SARAF: variants seen among roughly 807,000 people sequenced by gnomAD.
SARAF encodes the protein store-operated calcium entry associated regulatory factor.
A neutral mutation model predicts 39.7 loss-of-function variants in SARAF; 23 were observed. The ratio of observed to expected loss-of-function variants is 0.58; its 90% CI spans 0.42 to 0.82. SARAF has a LOEUF of 0.82. Ranked by LOEUF, SARAF falls within the 40% of genes least tolerant of loss-of-function variation. The pLI is 0.00. For synonymous variants in SARAF, 175 were observed against 168.5 expected (o/e 1.04, Z -0.30); for missense variants, 384 against 418.5 (o/e 0.92, Z 0.72).
intron 3 of SARAF, among the ~76,000 whole-genome samples, chr8:30,069,433 C>T (rs1038979291): frequency 1.3e-5 from 2 of 152,130 alleles, no homozygotes; most frequent in African/African-American, 4.8e-5. Context: ...AGCCACCGCG[C>T]CCGGCCAATC....
intron 1 of SARAF, among the ~76,000 whole-genome samples, chr8:30,075,008 T>C (rs1801924985): frequency 1.3e-5 from 2 of 152,136 alleles, no homozygotes; most frequent in East Asian, 1.9e-4. Context: ...TGTGCAAAAA[T>C]GAAATTTTTA....
chr8:30,068,491 T>C (rs574501931), intron 3 of SARAF, among the ~76,000 whole-genome samples: 5 of 152,320 alleles, frequency 3.3e-5, no homozygotes, highest in African/African-American at 4.8e-5. Flanking sequence ...TATATTACAA[T>C]GTAATAACAA....
At chr8:30,079,158 CAAAAA>C (rs60893961) in intron 1 of SARAF, among the ~76,000 whole-genome samples, 1 of 54,680 alleles carries the variant, frequency 1.8e-5, no homozygotes, top group Non-Finnish European at 4.1e-5. Flanking sequence ...AACTCCATCT[CAAAAA>C]AAAAAAAAAA....
At chr8:30,070,294 G>A (rs2117428743) in intron 2 of SARAF, among the ~76,000 whole-genome samples, 1 of 152,206 alleles carries the variant, frequency 6.6e-6, no homozygotes, top group African/African-American at 2.4e-5. Flanking sequence ...TATAATCCCA[G>A]CTACTAAGGA....
Position 30,069,929 on chromosome 8 carries a change from T to C in SARAF, c.413A>G (p.Tyr138Cys). 6.2e-7 allele frequency: 1 copy of C among 1,614,060 alleles called. No homozygotes were observed. Among genetic ancestry groups the C allele is most frequent in the Non-Finnish European group, 8.5e-7 (1 of 1,180,044 alleles). Residue 138 changes from tyrosine (Y) to cysteine (C), a missense_variant, in exon 3 of 6, where the codon TAT becomes TGT. Tyr to Cys is a radical substitution (Grantham distance 194). Coordinates refer to ENST00000256255, the MANE Select transcript of SARAF (RefSeq NM_016127.6). ...CAGTTTCTGCAGGCCAAGTTCTGTA[T>C]AATCTAAATTATACTCCAAGCCACA... ...GSCGLEYNLD[Y>C]TELGLQKLKE... is the part of the protein sequence containing the mutation.
intron 5 of SARAF, chr8:30,065,700 A>C: frequency 3.0e-6 from 1 of 333,382 alleles, no homozygotes; most frequent in Non-Finnish European, 5.7e-6. Context: ...CTAGTTTAGA[A>C]CTTAAAGGAT....
chr8:30,066,149 G>GATAA lies in SARAF; in HGVS notation c.843-14_843-11dup. The GATAA allele has an allele frequency of 6.4e-7, 1 of 1,568,338 alleles. No homozygotes were observed. Among genetic ancestry groups the GATAA allele is most frequent in the Non-Finnish European group, 8.7e-7 (1 of 1,147,530 alleles). ...GAAGGGTGTTGCCGCTCTTTAAAGG[G>GATAA]ATAAAAGTAGGTTAGGCATTTTTTT... On this transcript the variant is annotated splice_polypyrimidine_tract_variant and intron_variant, in intron 4 of 5. Coordinates refer to ENST00000256255, the MANE Select transcript of SARAF (RefSeq NM_016127.6).
Position 30,066,920 on chromosome 8 carries a change from T to G in SARAF, c.701-2A>C. The G allele has an allele frequency of 1.2e-6, 2 of 1,613,342 alleles. No individual in the cohort carries two copies. The highest frequency in any genetic ancestry group is 1.7e-6 in the Non-Finnish European group (2 of 1,179,692). On this transcript the variant is annotated splice_acceptor_variant, in intron 3 of 5. Transcript: ENST00000256255. LOFTEE classifies it high-confidence loss of function. The stretch of plus-strand genomic sequence containing the variant: ...CACCATGGCCAGTATTCTGTGGTCC[T>G]TAAAATAAAAATGATTTATTATGTA...
chr8:30,081,604 T>C (rs1041743073), intron 1 of SARAF, among the ~76,000 whole-genome samples: 1 of 152,256 alleles, frequency 6.6e-6, no homozygotes. Context: ...CATGTAAGAA[T>C]AGGCTATTAT....
intron 1 of SARAF, among the ~76,000 whole-genome samples, chr8:30,077,672 C>T (rs182819039): frequency 8.5e-4 from 128 of 150,458 alleles, no homozygotes; most frequent in Admixed American, 2.3e-3. Flanking sequence ...GATGGTGGCG[C>T]GTGCCTGTAG....
At chr8:30,064,555 A>ATTTTTTTTTTT (rs1402020823) in intron 5 of SARAF, among the ~76,000 whole-genome samples, 4 of 52,510 alleles carry the variant, frequency 7.6e-5, no homozygotes, top group East Asian at 8.2e-4. Context: ...ATATATATAT[A>ATTTTTTTTTTT]TATATATTTT....
Position 30,074,400 on chromosome 8 carries a change from A to G in SARAF, c.104-345T>C, listed in dbSNP as rs537026237. ...TAATTAAAATGGCAAGAATATAAGC[A>G]TGTTCCTGAAGCACATTTAATGCTT... On this transcript the variant is annotated intron_variant, in intron 1 of 5. Transcript: ENST00000256255. Among the ~76,000 whole-genome samples, 54 of 152,362 alleles carry G rather than the reference A, an allele frequency of 3.5e-4. 1 individual carries two copies. Among genetic ancestry groups the G allele is most frequent in the African/African-American group, 1.3e-3 (54 of 41,584 alleles).
chr8:30,065,208 T>C (rs917966177), intron 5 of SARAF, among the ~76,000 whole-genome samples: 2 of 152,206 alleles, frequency 1.3e-5, no homozygotes, highest in Non-Finnish European at 2.9e-5. Flanking sequence ...TGAACAGTCT[T>C]GTGCTTATCT....
intron 1 of SARAF, among the ~76,000 whole-genome samples, chr8:30,076,040 TG>T (rs149195731): frequency 0.046 from 6,214 of 135,644 alleles, 146 homozygotes; most frequent in South Asian, 0.094. Context: ...GAATGGGAGA[TG>T]CCTGGAATAC....
At chr8:30,077,487 TAAAAG>T (rs1243299455) in intron 1 of SARAF, among the ~76,000 whole-genome samples, 2 of 150,204 alleles carry the variant, frequency 1.3e-5, no homozygotes, top group African/African-American at 4.9e-5. Flanking sequence ...ACAGAACTGT[TAAAAG>T]AAAATCTTCT....
At chr8:30,064,007 T>G (rs1051210577) in intron 5 of SARAF, 94 bp from the exon 6 acceptor site, 2 of 1,111,586 alleles carry the variant, frequency 1.8e-6, no homozygotes, top group African/African-American at 3.1e-5. Flanking sequence ...TGTCAGCAAA[T>G]GAATGAGATA....
intron 1 of SARAF, chr8:30,082,412 TGAC>T (rs1311302983): frequency 1.3e-5 from 2 of 156,002 alleles, no homozygotes; most frequent in Non-Finnish European, 2.8e-5. Context: ...CCGCTAAGGG[TGAC>T]TCAGAGACTG....
intron 5 of SARAF, among the ~76,000 whole-genome samples, chr8:30,065,380 C>T (rs879325023): frequency 1.3e-5 from 2 of 152,154 alleles, no homozygotes; most frequent in Non-Finnish European, 1.5e-5. Context: ...ATTCTACTCA[C>T]ATTTTAAAAC....
At chr8:30,079,575 G>A (rs1043492351) in intron 1 of SARAF, among the ~76,000 whole-genome samples, 2 of 152,178 alleles carry the variant, frequency 1.3e-5, no homozygotes, top group Non-Finnish European at 2.9e-5. Context: ...TGAATTTATT[G>A]TAACAGAGTT....
Sources: gnomAD v4.1 joint callset for allele counts (sites outside exome capture counted in the v4.1 genomes callset) on GRCh38, gnomAD v4.1.1 for gene constraint, MANE v1.5 for transcripts, NCBI Gene and HGNC (gene_info 2026-07-23, HGNC 2026-07-21) for gene names.